Variants in NPTXR observed in about 807,000 individuals in gnomAD.
NPTXR encodes the protein neuronal pentraxin receptor.
In NPTXR, 12 loss-of-function variants were observed where a neutral mutation model predicts 32.2. The observed-to-expected ratio is 0.37, with a 90% CI of 0.24 to 0.60. The LOEUF (loss-of-function observed/expected upper bound fraction) is 0.60, where lower values mean the gene tolerates loss of function less well. Ranked by LOEUF, NPTXR falls within the 20% of genes least tolerant of loss-of-function variation. The pLI is 0.66. For synonymous variants in NPTXR, 323 were observed against 315.8 expected (o/e 1.02, Z -0.24); for missense variants, 612 against 682.9 (o/e 0.90, Z 1.16).
At chr22:38,830,842 T>A (rs768216380) in intron 1 of NPTXR, among the ~76,000 whole-genome samples, 4 of 151,978 alleles carry the variant, frequency 2.6e-5, no homozygotes, top group African/African-American at 7.3e-5. Flanking sequence ...AAGGGACCCA[T>A]GAAAGCAGCG....
rs1171186285 is a variant in NPTXR, at chr22:38,828,283, C to A, written c.850+4G>T. On this transcript the variant is annotated splice_donor_region_variant and intron_variant, in intron 2 of 4. Transcript: ENST00000333039. Reference sequence around the variant, plus strand: ...CAATGCCCTCTGCAGGACCCAGGACCCACCGTGCTCCAGCTCAGCCACACG... The same window carrying A: ...CAATGCCCTCTGCAGGACCCAGGACACACCGTGCTCCAGCTCAGCCACACG... 1.9e-6 allele frequency: 3 copies of A among 1,612,544 alleles called. No homozygotes were observed. Among genetic ancestry groups the A allele is most frequent in the Non-Finnish European group, 2.5e-6 (3 of 1,179,446 alleles).
Position 38,843,881 on chromosome 22 carries a change from C to G in NPTXR, c.-23G>C. ...CAGCGTGAGGCGGGCGGCGGGGGCG[C>G]CCGAGGCCCCCGGCAGGCGCGGCGG... On this transcript the variant is annotated 5_prime_UTR_variant, in exon 1 of 5. Coordinates refer to ENST00000333039, the MANE Select transcript of NPTXR (RefSeq NM_014293.4). The surrounding 1 kb of genome is among the most constrained non-coding windows in gnomAD (Gnocchi z 5.3). 1.0e-6 allele frequency: 1 copy of G among 987,442 alleles called. No homozygotes were observed. The highest frequency in any genetic ancestry group is 4.5e-5 in the South Asian group (1 of 22,188). 61.2% of individuals were successfully genotyped at this position (987,442 alleles called of 1,614,324 possible).
chr22:38,823,901 GC>G (rs2146190783), intron 3 of NPTXR, among the ~76,000 whole-genome samples: 1 of 152,320 alleles, frequency 6.6e-6, no homozygotes, highest in East Asian at 1.9e-4. Context: ...GTTAGAGCTG[GC>G]CTGTAAGATG....
chr22:38,828,570 C>T, intron 1 of NPTXR, 58 bp from the exon 2 acceptor site: 5 of 1,386,724 alleles, frequency 3.6e-6, no homozygotes, highest in Non-Finnish European at 4.9e-6. Context: ...AGGCTGGGAA[C>T]ACTCAGATGC....
intron 1 of NPTXR, 113 bp from the exon 2 acceptor site, chr22:38,828,625 A>G: frequency 1.3e-6 from 1 of 775,984 alleles, no homozygotes; most frequent in Non-Finnish European, 2.0e-6. Flanking sequence ...CAGCTTCCCC[A>G]GTATGCAAAA....
intron 1 of NPTXR, among the ~76,000 whole-genome samples, chr22:38,835,330 C>T (rs2093122382): frequency 6.6e-6 from 1 of 152,214 alleles, no homozygotes; most frequent in African/African-American, 2.4e-5. Flanking sequence ...CATACTGCCA[C>T]CCTGCCTTCC....
intron 1 of NPTXR, among the ~76,000 whole-genome samples, chr22:38,838,798 G>T (rs186974941): frequency 1.3e-5 from 2 of 151,968 alleles, no homozygotes; most frequent in Non-Finnish European, 2.9e-5. Context: ...AGCCAGGATG[G>T]TCTCGATCTC....
At chr22:38,823,638 G>A (rs572097087) in intron 3 of NPTXR, among the ~76,000 whole-genome samples, 3 of 152,330 alleles carry the variant, frequency 2.0e-5, no homozygotes, top group East Asian at 3.9e-4. Flanking sequence ...GATAGAATGA[G>A]CCTTGGACTC....
In NPTXR at chr22:38,822,764, C is replaced by A; in HGVS notation, c.1348G>T (p.Asp450Tyr). The A allele has an allele frequency of 6.2e-7, 1 of 1,614,186 alleles. No individual in the cohort carries two copies. The highest frequency in any genetic ancestry group is 1.1e-5 in the South Asian group (1 of 91,080). The change falls in exon 5 of 5, where the codon GAC (aspartate) becomes TAC (tyrosine). Residue 450 changes from aspartate to tyrosine, a missense_variant. By Grantham distance (160) the Asp-to-Tyr change is radical. Coordinates refer to ENST00000333039, the MANE Select transcript of NPTXR (RefSeq NM_014293.4). ...ACCTGGGCTGGTGTCAGGGCGTGGT[C>A]CCACAGGTTAAACTGGGCAATGTCA...
intron 1 of NPTXR, among the ~76,000 whole-genome samples, chr22:38,833,684 CTTTT>C (rs1411918757): frequency 8.3e-6 from 1 of 120,032 alleles, no homozygotes; most frequent in Non-Finnish European, 1.8e-5. Flanking sequence ...GATGGAGTTT[CTTTT>C]TTTTTTGAGA....
chr22:38,821,225 G>A lies in NPTXR; in HGVS notation c.*1384C>T, dbSNP rs1420690437. The stretch of plus-strand genomic sequence containing the variant: ...CTCTTAAGATTCTGACACTCTCTTG[G>A]GGAAGCTGGTGATGACTCAAGGGGA... On this transcript the variant is annotated 3_prime_UTR_variant, in exon 5 of 5. Coordinates refer to ENST00000333039, the MANE Select transcript of NPTXR (RefSeq NM_014293.4). 1.3e-5 allele frequency: 2 copies of A among 152,336 alleles called. No homozygotes were observed. Among genetic ancestry groups the A allele is most frequent in the Non-Finnish European group, 2.9e-5 (2 of 68,180 alleles). 9.4% of individuals were successfully genotyped at this position (152,336 alleles called of 1,614,324 possible). A position where few individuals can be genotyped will look rare whatever the true frequency, so the allele number is the denominator to read the frequency against.
rs2093094066 is a variant in NPTXR at position 38,819,936 on chromosome 22, G to A, written c.*2673C>T. ...CAGGAACAAGGCTTGGACGTCAGAG[G>A]TCTCATCTTCACTGTGACAAAGCAT... On this transcript the variant is annotated 3_prime_UTR_variant, in exon 5 of 5. Transcript: ENST00000333039. 1 of 152,626 alleles carries A rather than the reference G, an allele frequency of 6.6e-6. No homozygotes were observed. The allele number at this position is 152,626 out of a possible 1,614,324, so 9.5% of individuals were successfully genotyped here. A position where few individuals can be genotyped will look rare whatever the true frequency, so the allele number is the denominator to read the frequency against.
chr22:38,842,244 C>T (rs996514265), intron 1 of NPTXR, among the ~76,000 whole-genome samples: 13 of 152,246 alleles, frequency 8.5e-5, no homozygotes, highest in African/African-American at 1.7e-4. Context: ...GAGGGGGCAG[C>T]GCGGGCTTTG....
chr22:38,824,768 T>G (rs1032657595), intron 3 of NPTXR, among the ~76,000 whole-genome samples: 1 of 152,024 alleles, frequency 6.6e-6, no homozygotes, highest in African/African-American at 2.4e-5. Flanking sequence ...CAGGGGGTGA[T>G]GAAGGGCACA....
intron 3 of NPTXR, among the ~76,000 whole-genome samples, chr22:38,824,652 A>ACT (rs1219817153): frequency 1.3e-5 from 2 of 151,980 alleles, no homozygotes; most frequent in Non-Finnish European, 2.9e-5. Context: ...TCTCAAAAGG[A>ACT]CTCTAGAGCG....
intron 1 of NPTXR, among the ~76,000 whole-genome samples, chr22:38,836,808 TTTTTA>T (rs538006757): frequency 5.0e-4 from 76 of 152,162 alleles, no homozygotes; most frequent in Non-Finnish European, 9.0e-4. Flanking sequence ...CACACAGGCT[TTTTTA>T]TTTTATTTAT....
chr22:38,831,149 T>C (rs1311237076), intron 1 of NPTXR, among the ~76,000 whole-genome samples: 2 of 152,206 alleles, frequency 1.3e-5, no homozygotes, highest in Non-Finnish European at 2.9e-5. Flanking sequence ...TGGTGGCTCA[T>C]GTGTGTAATC....
At chr22:38,833,724 G>A (rs928697874) in intron 1 of NPTXR, among the ~76,000 whole-genome samples, 1 of 151,384 alleles carries the variant, frequency 6.6e-6, no homozygotes, top group Non-Finnish European at 1.5e-5. Flanking sequence ...GCCCAGGCTG[G>A]AGTGCAGTGG....
Position 38,843,273 on chromosome 22 carries a change from C to T in NPTXR, c.586G>A (p.Ala196Thr). The change falls in exon 1 of 5, where the codon GCC (alanine) becomes ACC (threonine). Residue 196 changes from alanine (A) to threonine (T), a missense_variant. Transcript: ENST00000333039. The surrounding 1 kb of genome is among the most constrained non-coding windows in gnomAD (Gnocchi z 5.3). ...ATGCGGTCCCGCAGGGCGCGCACGG[C>T]GTCCTCCAGCTCCAGAATGAGCGCA... 3 of 1,430,892 alleles carry T rather than the reference C, an allele frequency of 2.1e-6. No homozygotes were observed. The highest frequency in any genetic ancestry group is 2.8e-5 in the South Asian group (2 of 71,522). The allele number at this position is 1,430,892 out of a possible 1,614,324, so 88.6% of individuals were successfully genotyped here. A position where few individuals can be genotyped will look rare whatever the true frequency, so the allele number is the denominator to read the frequency against.
Sources: allele counts gnomAD v4.1 joint callset (sites outside exome capture counted in the v4.1 genomes callset), GRCh38; gene constraint gnomAD v4.1.1; non-coding constraint Gnocchi (gnomAD v3.1); transcripts MANE v1.5; gene names NCBI Gene and HGNC (gene_info 2026-07-23, HGNC 2026-07-21).